Variants in ZNF345 observed in about 807,000 individuals in gnomAD.
ZNF345 encodes zinc finger protein 345, also known as zinc finger protein HZF10.
For synonymous variants in ZNF345, 166 were observed against 187.9 expected (o/e 0.88, Z 0.95); for missense variants, 527 against 589.9 (o/e 0.89, Z 1.10).
At chr19:36,883,946 G>A (rs1026915653), downstream of ZNF345, among the ~76,000 whole-genome samples, 2 of 152,130 alleles carry the variant, frequency 1.3e-5, no homozygotes, top group Non-Finnish European at 2.9e-5. Flanking sequence ...AGGTTCCAAG[G>A]GCTACCCATA....
Position 36,877,272 on chromosome 19 carries a change from T to C in ZNF345, c.442T>C (p.Cys148Arg). ...RIHTGEKPYE[C>R]KECGKAFSFG... is the part of the protein sequence containing the mutation. ...TCATACTGGTGAGAAACCCTATGAG[T>C]GTAAGGAATGTGGGAAAGCCTTTAG... The change falls in exon 3 of 3, where the codon TGT becomes CGT. Residue 148 changes from cysteine to arginine, a missense_variant. Coordinates refer to ENST00000420450, the MANE Select transcript of ZNF345 (RefSeq NM_001242472.2). The C allele has an allele frequency of 1.9e-6, 3 of 1,613,944 alleles. No individual in the cohort carries two copies. In the South Asian group the frequency reaches 3.3e-5, roughly 18 times the overall value.
At chr19:36,853,313 A>G (rs571122201) in intron 2 of ZNF345, among the ~76,000 whole-genome samples, 1 of 137,008 alleles carries the variant, frequency 7.3e-6, no homozygotes, top group African/African-American at 2.8e-5. Flanking sequence ...CAATGGCATG[A>G]TCTCGGCTCA....
chr19:36,884,892 T>C (rs2072988267), intron 3 of ZNF345, among the ~76,000 whole-genome samples: 1 of 152,224 alleles, frequency 6.6e-6, no homozygotes, highest in Non-Finnish European at 1.5e-5. Context: ...TACTTTGACT[T>C]ACTCATTCTT....
intron 2 of ZNF345, among the ~76,000 whole-genome samples, chr19:36,867,567 T>C (rs913774466): frequency 3.9e-5 from 6 of 152,218 alleles, no homozygotes; most frequent in African/African-American, 9.6e-5. Flanking sequence ...GCTTTAGGTG[T>C]TAAATTTAAG....
chr19:36,868,717 C>T (rs1600706242), intron 2 of ZNF345, among the ~76,000 whole-genome samples: 1 of 151,448 alleles, frequency 6.6e-6, no homozygotes, highest in East Asian at 2.0e-4. Context: ...CCTCCGCTTC[C>T]TGGGTTCTAA....
chr19:36,867,108 C>G (rs1380543719), intron 2 of ZNF345, among the ~76,000 whole-genome samples: 2 of 152,168 alleles, frequency 1.3e-5, no homozygotes, highest in Admixed American at 6.5e-5. Context: ...AAAAAGTGGT[C>G]TACTTCCAAC....
chr19:36,868,247 C>T (rs2072702050), intron 2 of ZNF345, among the ~76,000 whole-genome samples: 1 of 152,116 alleles, frequency 6.6e-6, no homozygotes, highest in Non-Finnish European at 1.5e-5. Context: ...TGTGATCCAC[C>T]CGCCTTGGCC....
At chr19:36,854,096 T>A (rs1024351575) in intron 2 of ZNF345, among the ~76,000 whole-genome samples, 1 of 152,234 alleles carries the variant, frequency 6.6e-6, no homozygotes, top group African/African-American at 2.4e-5. Context: ...AACAAGGTCT[T>A]GTTTATCTCC....
intron 2 of ZNF345, among the ~76,000 whole-genome samples, chr19:36,876,159 C>T (rs936468881): frequency 1.3e-5 from 2 of 152,148 alleles, no homozygotes; most frequent in African/African-American, 4.8e-5. Flanking sequence ...TCTTAAATGG[C>T]ATAAACAAAC....
chr19:36,876,488 G>A (rs1017771348), intron 2 of ZNF345, among the ~76,000 whole-genome samples: 2 of 152,050 alleles, frequency 1.3e-5, no homozygotes, highest in East Asian at 3.9e-4. Context: ...AAGTCTGCAG[G>A]ACTTTTAAAC....
In ZNF345 at chr19:36,878,161, A is replaced by T. The variant is rs1478035851; in HGVS notation, c.1331A>T (p.His444Leu). The T allele has an allele frequency of 6.2e-7, 1 of 1,614,194 alleles. No individual in the cohort carries two copies. The highest frequency in any genetic ancestry group is 8.5e-7 in the Non-Finnish European group (1 of 1,180,030). Residue 444 changes from histidine (H) to leucine (L), a missense_variant, in exon 3 of 3, where the codon CAT (histidine) becomes CTT (leucine). Physicochemically the swap from His to Leu is moderately conservative, Grantham distance 99. Coordinates refer to ENST00000420450, the MANE Select transcript of ZNF345 (RefSeq NM_001242472.2). ...AFYSGSSLTQ[H>L]QRIHTGEKLY... ...TATAGTGGCTCAAGCCTTACTCAGC[A>T]TCAGAGAATTCATACAGGTGAGAAA... is the stretch of plus-strand genomic sequence containing the variant.
chr19:36,882,424 C>T (rs1027506612), downstream of ZNF345, among the ~76,000 whole-genome samples: 7 of 151,926 alleles, frequency 4.6e-5, no homozygotes, highest in South Asian at 2.1e-4. Context: ...TGCGCCACCA[C>T]GCCTGGCTAA....
Position 36,879,024 on chromosome 19 carries a change from G to A in ZNF345, c.*727G>A, listed in dbSNP as rs1191437842. 2 of 162,928 alleles carry A rather than the reference G, an allele frequency of 1.2e-5. No homozygotes were observed. The highest frequency in any genetic ancestry group is 2.9e-5 in the Non-Finnish European group (2 of 68,132). 10.1% of individuals were successfully genotyped at this position (162,928 alleles called of 1,614,324 possible). On this transcript the variant is annotated 3_prime_UTR_variant, in exon 3 of 3. Coordinates refer to ENST00000420450, the MANE Select transcript of ZNF345 (RefSeq NM_001242472.2). ...GCTAATTTTTTGTATTTTCATTAGA[G>A]ATGGGGTTTCACCACGTTGGCCAGG...
At chr19:36,891,462 G>A (rs757836509) in intron 3 of ZNF345, 2 of 1,510,194 alleles carry the variant, frequency 1.3e-6, no homozygotes, top group East Asian at 4.6e-5. Flanking sequence ...TATTATAAAG[G>A]TTAACAAAAT....
upstream of ZNF345, chr19:36,850,442 T>C (rs113064179): frequency 6.6e-6 from 1 of 152,374 alleles, no homozygotes; most frequent in Non-Finnish European, 1.5e-5. Flanking sequence ...CAACTTCCAA[T>C]ACAACAGCAG....
chr19:36,857,794 T>C (rs2072454280), intron 2 of ZNF345, among the ~76,000 whole-genome samples: 1 of 152,152 alleles, frequency 6.6e-6, no homozygotes, highest in Non-Finnish European at 1.5e-5. Context: ...GTTTGTTTGC[T>C]TGAGACTAGG....
At chr19:36,860,940 GT>G (rs1043991818) in intron 2 of ZNF345, among the ~76,000 whole-genome samples, 25 of 147,204 alleles carry the variant, frequency 1.7e-4, no homozygotes, top group Middle Eastern at 3.5e-3. Context: ...TAATGGGAGG[GT>G]TTTTTTTTTG....
rs970685291 is a variant in ZNF345, at chr19:36,879,464, T to A, written c.*1167T>A. On this transcript the variant is annotated 3_prime_UTR_variant, in exon 3 of 3. Coordinates refer to ENST00000420450, the MANE Select transcript of ZNF345 (RefSeq NM_001242472.2). ...GCTATACTATAACCAGCCCTTAATATTTTTTGTCTGTAAATATGTTGTTAC... is the reference window on the plus strand; with the variant it reads ...GCTATACTATAACCAGCCCTTAATAATTTTTGTCTGTAAATATGTTGTTAC... 6.0e-6 allele frequency: 1 copy of A among 167,022 alleles called. No individual in the cohort carries two copies. Among genetic ancestry groups the A allele is most frequent in the Admixed American group, 6.5e-5 (1 of 15,282 alleles). 10.3% of individuals were successfully genotyped at this position (167,022 alleles called of 1,614,324 possible). A position where few individuals can be genotyped will look rare whatever the true frequency, so the allele number is the denominator to read the frequency against.
At chr19:36,867,160 C>G (rs2072677436) in intron 2 of ZNF345, among the ~76,000 whole-genome samples, 2 of 152,186 alleles carry the variant, frequency 1.3e-5, no homozygotes. Flanking sequence ...TTTCCCACAT[C>G]TTTACCAACA....
Sources: allele counts gnomAD v4.1 joint callset (sites outside exome capture counted in the v4.1 genomes callset), GRCh38; gene constraint gnomAD v4.1.1; transcripts MANE v1.5; gene names NCBI Gene and HGNC (gene_info 2026-07-23, HGNC 2026-07-21).